MMD2: variants seen among roughly 807,000 people sequenced by gnomAD.
The protein encoded by MMD2 is monocyte to macrophage differentiation associated 2.
Under a neutral mutation model 33.5 loss-of-function variants are expected in MMD2, and 30 were observed. That is an observed-to-expected ratio of 0.90 (90% CI 0.67 to 1.22). MMD2 has a LOEUF of 1.22. MMD2 is among the 50% of genes most tolerant of loss of function. The pLI, the probability that MMD2 is intolerant of heterozygous loss-of-function variation, is 0.00. For missense variants in MMD2, 364 were observed against 325.4 expected (o/e 1.12, Z -0.91); for synonymous variants, 129 against 123.0 (o/e 1.05, Z -0.32).
chr7:4,941,248 C>A (rs1359741155), intron 1 of MMD2, among the ~76,000 whole-genome samples: 1 of 152,214 alleles, frequency 6.6e-6, no homozygotes, highest in Non-Finnish European at 1.5e-5. Context: ...CCTGTGACAT[C>A]ACCAGCAGCC....
At chr7:4,902,868 T>C (rs1018535881), downstream of MMD2, among the ~76,000 whole-genome samples, 3 of 152,166 alleles carry the variant, frequency 2.0e-5, no homozygotes, top group Non-Finnish European at 4.4e-5. Flanking sequence ...TGCTCCCACC[T>C]CCCACTTCCT....
chr7:4,922,452 C>A (rs1785312631), intron 2 of MMD2, among the ~76,000 whole-genome samples: 1 of 152,000 alleles, frequency 6.6e-6, no homozygotes, highest in Admixed American at 6.6e-5. Context: ...CACCTGTAGT[C>A]CCAGCAAGAC....
chr7:4,926,044 G>A (rs1785416328), intron 1 of MMD2, among the ~76,000 whole-genome samples: 1 of 152,004 alleles, frequency 6.6e-6, no homozygotes, highest in African/African-American at 2.4e-5. Context: ...GACCTCAGGT[G>A]ATCCGCCCGC....
At chr7:4,937,990 T>TTTTC (rs1562490236) in intron 1 of MMD2, among the ~76,000 whole-genome samples, 10 of 139,282 alleles carry the variant, frequency 7.2e-5, no homozygotes, top group South Asian at 2.4e-4. Context: ...TTTTTTCTTT[T>TTTTC]TTTCTTTCTT....
rs770035385 is a variant in MMD2 at position 4,940,174 on chromosome 7, A to T, written c.48-14642T>A. On this transcript the variant is annotated intron_variant, in intron 1 of 6. Coordinates refer to ENST00000401401, the MANE Select transcript of MMD2 (RefSeq NM_198403.4). The surrounding 1 kb of genome is among the most constrained non-coding windows in gnomAD (Gnocchi z 5.0). ...TGTGAAGGGGTTCCTGAGGCCTGGC[A>T]TGTTGAGCATCCTGACCTGGGTGCA... Among the ~76,000 whole-genome samples, 4 of 152,094 alleles carry T rather than the reference A, an allele frequency of 2.6e-5. No individual in the cohort carries two copies. Among genetic ancestry groups the T allele is most frequent in the Non-Finnish European group, 4.4e-5 (3 of 68,002 alleles).
downstream of MMD2, among the ~76,000 whole-genome samples, chr7:4,904,963 T>G (rs1784842499): frequency 6.6e-6 from 1 of 152,194 alleles, no homozygotes; most frequent in African/African-American, 2.4e-5. Flanking sequence ...AGTTCCCCAG[T>G]GCTGATGCCT....
intron 5 of MMD2, 165 bp from the exon 6 acceptor site, chr7:4,910,115 A>T: frequency 1.3e-6 from 2 of 1,496,856 alleles, no homozygotes; most frequent in Non-Finnish European, 1.8e-6. Context: ...ACCCAGCTAC[A>T]TCCAACAGGT....
At chr7:4,903,342 GC>G (rs200812078), downstream of MMD2, among the ~76,000 whole-genome samples, 651 of 151,664 alleles carry the variant, frequency 4.3e-3, 7 homozygotes, top group African/African-American at 0.015. Context: ...CAAGCCCCCT[GC>G]CCACGACCAA....
chr7:4,951,371 G>T (rs1786238778), intron 1 of MMD2, among the ~76,000 whole-genome samples: 1 of 152,010 alleles, frequency 6.6e-6, no homozygotes, highest in Non-Finnish European at 1.5e-5. Flanking sequence ...TTGGGACCAG[G>T]CTCAGTATCC....
At chr7:4,958,639 G>A (rs1020007790) in intron 1 of MMD2, among the ~76,000 whole-genome samples, 7 of 152,224 alleles carry the variant, frequency 4.6e-5, no homozygotes, top group Non-Finnish European at 8.8e-5. Context: ...TGCGCAAAGT[G>A]CTCTGCAAGG....
Position 4,935,161 on chromosome 7 carries a change from G to A in MMD2, c.48-9629C>T, listed in dbSNP as rs377065863. 2.0e-4 allele frequency among the ~76,000 whole-genome samples: 30 copies of A among 152,074 alleles called. No individual in the cohort carries two copies. The East Asian group carries it at 4.9e-3, about 25-fold the overall frequency. On this transcript the variant is annotated intron_variant, in intron 1 of 6. Transcript: ENST00000401401. ...AGATCGCGCTACCACACTCCAGCCT[G>A]GGAGACAGAGCGAGACTCTGCCTCA...
chr7:4,897,891 C>T, the MMD2 span, among the ~76,000 whole-genome samples: 1 of 152,072 alleles, frequency 6.6e-6, no homozygotes, highest in Admixed American at 6.6e-5. Flanking sequence ...GTGCCCACCA[C>T]CATGCCTGGC....
At chr7:4,943,809 C>T (rs987719464) in intron 1 of MMD2, among the ~76,000 whole-genome samples, 8 of 151,876 alleles carry the variant, frequency 5.3e-5, no homozygotes, top group Non-Finnish European at 1.2e-4. Flanking sequence ...TTTTATTTTA[C>T]TTTATTTTTT....
intron 1 of MMD2, among the ~76,000 whole-genome samples, chr7:4,952,096 C>T (rs1426272246): frequency 6.6e-6 from 1 of 152,208 alleles, no homozygotes; most frequent in Admixed American, 6.6e-5. Context: ...GTGGACAAGC[C>T]AGGGACGCCC....
intron 4 of MMD2, among the ~76,000 whole-genome samples, chr7:4,913,127 AC>A (rs1379574636): frequency 1.3e-5 from 2 of 152,098 alleles, no homozygotes; most frequent in African/African-American, 4.8e-5. Context: ...AAAAATAATA[AC>A]CCATCTCATT....
chr7:4,913,334 C>A (rs79248276), intron 4 of MMD2, among the ~76,000 whole-genome samples: 2,227 of 152,274 alleles, frequency 0.015, 63 homozygotes, highest in African/African-American at 0.051. Flanking sequence ...TGGACACTTA[C>A]AAATTTTGCT....
intron 2 of MMD2, 72 bp from the exon 3 acceptor site, chr7:4,920,403 C>A: frequency 6.6e-7 from 1 of 1,509,340 alleles, no homozygotes. Context: ...GCCCCTTCCC[C>A]GGCTGAGCTG....
At chr7:4,893,298 A>G in the MMD2 span, among the ~76,000 whole-genome samples, 740 of 152,198 alleles carry the variant, frequency 4.9e-3, 7 homozygotes, top group African/African-American at 0.017. Flanking sequence ...AAGAAATAAA[A>G]GAATGACTAC....
the MMD2 span, among the ~76,000 whole-genome samples, chr7:4,892,399 C>T: frequency 3.9e-5 from 6 of 151,960 alleles, no homozygotes; most frequent in African/African-American, 1.2e-4. Context: ...ACCAGCATCG[C>T]CTACATGGTG....
Sources: gnomAD v4.1 joint callset for allele counts (sites outside exome capture counted in the v4.1 genomes callset) on GRCh38, gnomAD v4.1.1 for gene constraint, Gnocchi (gnomAD v3.1) non-coding constraint, MANE v1.5 for transcripts, NCBI Gene and HGNC (gene_info 2026-07-23, HGNC 2026-07-21) for gene names.